The following LAMA1 variants were observed in gnomAD, a reference collection of about 807,000 sequenced individuals.
The protein encoded by LAMA1 is laminin subunit alpha 1.
LAMA1 carries 219 observed loss-of-function variants against 348.7 expected under a neutral mutation model. The ratio of observed to expected loss-of-function variants is 0.63; its 90% CI spans 0.56 to 0.70. LAMA1 has a LOEUF of 0.70. LAMA1 is among the 30% of genes least tolerant of loss of function. The probability of loss-of-function intolerance (pLI) is 0.00; values close to 1 mark genes in which losing one functional copy is unlikely to be tolerated. For synonymous variants in LAMA1, 1,487 were observed against 1,491.0 expected (o/e 1.00, Z 0.06); for missense variants, 3,744 against 3,888.0 (o/e 0.96, Z 0.99).
intron 1 of LAMA1, among the ~76,000 whole-genome samples, chr18:7,092,952 C>T (rs1294346590): frequency 6.6e-6 from 1 of 152,164 alleles, no homozygotes; most frequent in Non-Finnish European, 1.5e-5. Flanking sequence ...GGTGCAATCG[C>T]ATGGGGAAAA....
intron 19 of LAMA1, among the ~76,000 whole-genome samples, chr18:7,018,971 T>C (rs2057902953): frequency 6.6e-6 from 1 of 151,990 alleles, no homozygotes; most frequent in African/African-American, 2.4e-5. Context: ...AGAGGCCCCA[T>C]TCACCGGTGC....
rs1316144596 is a variant in LAMA1 at position 7,080,838 on chromosome 18, C to T, written c.62-381G>A. ...AGATCCGTGTATCTTAGTATGTGCACGTTCTACCTCAAAAATAAATAAATA... is the reference window on the plus strand; with the variant it reads ...AGATCCGTGTATCTTAGTATGTGCATGTTCTACCTCAAAAATAAATAAATA... On this transcript the variant is annotated intron_variant, in intron 1 of 62. Transcript: ENST00000389658. 2.0e-5 allele frequency among the ~76,000 whole-genome samples: 3 copies of T among 151,764 alleles called. No homozygotes were observed. The East Asian group carries it at 5.8e-4, about 29-fold the overall frequency.
chr18:6,941,870 G>C lies in LAMA1; in HGVS notation c.*209C>G. ...TTTTTTAAAAATACGTTTAAAAAGA[G>C]AGCCAGGGAATTCAATTTACATTTT... On this transcript the variant is annotated 3_prime_UTR_variant, in exon 63 of 63. Coordinates refer to ENST00000389658, the MANE Select transcript of LAMA1 (RefSeq NM_005559.4). The C allele has an allele frequency of 1.7e-6, 1 of 594,994 alleles. No individual in the cohort carries two copies. Among genetic ancestry groups the C allele is most frequent in the Non-Finnish European group, 3.0e-6 (1 of 337,154 alleles). The allele number at this position is 594,994 out of a possible 1,614,324, so 36.9% of individuals were successfully genotyped here. A position where few individuals can be genotyped will look rare whatever the true frequency, so the allele number is the denominator to read the frequency against.
At chr18:6,956,834 T>C in intron 55 of LAMA1, 69 bp from the exon 56 acceptor site, 1 of 1,519,472 alleles carries the variant, frequency 6.6e-7, no homozygotes, top group Non-Finnish European at 9.1e-7. Context: ...CCAAGTCATC[T>C]GATAACTGTA....
At chr18:6,945,927 G>A (rs1235975218) in intron 61 of LAMA1, among the ~76,000 whole-genome samples, 1 of 151,980 alleles carries the variant, frequency 6.6e-6, no homozygotes, top group Non-Finnish European at 1.5e-5. Flanking sequence ...TCCCTTCCCC[G>A]CATCCTGCCT....
chr18:6,949,151 A>G lies in LAMA1; in HGVS notation c.8506T>C (p.Phe2836Leu). 1 of 1,614,168 alleles carries G rather than the reference A, an allele frequency of 6.2e-7. No individual in the cohort carries two copies. The highest frequency in any genetic ancestry group is 8.5e-7 in the Non-Finnish European group (1 of 1,180,006). Residue 2836 changes from phenylalanine to leucine, a missense_variant, in exon 59 of 63, where the codon TTC becomes CTC. Phe to Leu is a conservative substitution (Grantham distance 22). This residue lies in a region of LAMA1 where 1,983 missense variants were observed against 1,934.3 expected (regional missense o/e 1.03). Coordinates refer to ENST00000389658, the MANE Select transcript of LAMA1 (RefSeq NM_005559.4). ...TGGGAGGGCAGGCCTCCTAGGTAGA[A>G]CAAACCCTCCACATCCAGCATGGTT... is the stretch of plus-strand genomic sequence containing the variant. ...DGTMLDVEGL[F>L]YLGGLPSQYQ...
Position 7,074,967 on chromosome 18 carries a change from C to CAAAAAAAAAAAAAAA in LAMA1, c.345+4993_345+5007dup, listed in dbSNP as rs773818069. Among the ~76,000 whole-genome samples the CAAAAAAAAAAAAAAA allele has an allele frequency of 3.4e-4, 18 of 52,268 alleles. 4 individuals are homozygous for CAAAAAAAAAAAAAAA. Among genetic ancestry groups the CAAAAAAAAAAAAAAA allele is most frequent in the South Asian group, 6.8e-4 (1 of 1,462 alleles). 34.3% of individuals were successfully genotyped at this position (52,268 alleles called of 152,430 possible). ...GATAACCAAACCTAATACATAGAGG[C>CAAAAAAAAAAAAAAA]AAAAAAAAAAAAAAAAAAAAAAAAA... is the stretch of plus-strand genomic sequence containing the variant. On this transcript the variant is annotated intron_variant, in intron 3 of 62. Coordinates refer to ENST00000389658, the MANE Select transcript of LAMA1 (RefSeq NM_005559.4).
chr18:6,987,079 C>T (rs556958090), intron 36 of LAMA1, among the ~76,000 whole-genome samples: 1 of 152,312 alleles, frequency 6.6e-6, no homozygotes, highest in Admixed American at 6.5e-5. Flanking sequence ...CTTCTTTTAT[C>T]AGCAGCTCTG....
At chr18:6,942,539 G>A (rs980669769) in intron 62 of LAMA1, among the ~76,000 whole-genome samples, 2 of 151,626 alleles carry the variant, frequency 1.3e-5, no homozygotes, top group Non-Finnish European at 2.9e-5. Context: ...TCAGCCTCCC[G>A]AGTAGCTGGG....
In LAMA1 at chr18:6,999,565, C is replaced by T. The variant is rs761200388; in HGVS notation, c.4543G>A (p.Gly1515Ser). The T allele has an allele frequency of 1.2e-5, 19 of 1,613,948 alleles. No homozygotes were observed. The highest frequency in any genetic ancestry group is 6.6e-5 in the South Asian group (6 of 91,050). The change falls in exon 32 of 63, where the codon GGC becomes AGC. Residue 1515 changes from glycine to serine, a missense_variant. Gly to Ser is a moderately conservative substitution (Grantham distance 56). Around this residue, in one of 3 missense-constraint regions of LAMA1, gnomAD observed 1,983 missense variants for 1,934.3 expected, o/e 1.03. Transcript: ENST00000389658. ...CGGTCACAGTCACCGTGGACAGAGC[C>T]GTGCGGGTTGCAGTCACACTTCTGG... ...SCQKCDCNPHGSVHGDCDRTS... is the reference protein window; with the variant it reads ...SCQKCDCNPHSSVHGDCDRTS...
intron 47 of LAMA1, chr18:6,972,252 C>T: frequency 4.8e-6 from 2 of 414,468 alleles, no homozygotes; most frequent in Non-Finnish European, 9.0e-6. Context: ...AGTGAGAAAA[C>T]AGAGAGCCAG....
chr18:7,022,823 TCC>T (rs1266726138), intron 19 of LAMA1, among the ~76,000 whole-genome samples: 5 of 152,154 alleles, frequency 3.3e-5, no homozygotes, highest in African/African-American at 1.2e-4. Context: ...CTGAAGCATC[TCC>T]CTTACGAATG....
At chr18:7,067,653 T>C (rs7234111) in intron 3 of LAMA1, among the ~76,000 whole-genome samples, 66,117 of 151,792 alleles carry the variant, frequency 0.44, 14,994 homozygotes, top group African/African-American at 0.55. Context: ...CACTCGAGAT[T>C]TGTGCATTTC....
At chr18:7,025,863 TG>T in intron 17 of LAMA1, 115 bp downstream of exon 17, 1 of 1,421,414 alleles carries the variant, frequency 7.0e-7, no homozygotes. Flanking sequence ...CAATTGTCAC[TG>T]GGCAAAATTC....
chr18:7,076,356 C>T (rs1254197499), intron 3 of LAMA1, among the ~76,000 whole-genome samples: 1 of 152,152 alleles, frequency 6.6e-6, no homozygotes, highest in Non-Finnish European at 1.5e-5. Context: ...GCCCTGGGTG[C>T]CTCCTGATGT....
intron 60 of LAMA1, among the ~76,000 whole-genome samples, 181 bp from the exon 61 acceptor site, chr18:6,947,477 T>A (rs1256388379): frequency 6.6e-6 from 1 of 152,076 alleles, no homozygotes; most frequent in Non-Finnish European, 1.5e-5. Context: ...GGAGATGACG[T>A]GGAGCTTTTA....
chr18:6,951,478 C>T (rs779762460), intron 57 of LAMA1, among the ~76,000 whole-genome samples: 2 of 152,162 alleles, frequency 1.3e-5, no homozygotes, highest in Admixed American at 6.5e-5. Context: ...AGAGGGACCA[C>T]GGTGTCACTG....
intron 51 of LAMA1, among the ~76,000 whole-genome samples, chr18:6,963,426 G>C (rs9947188): frequency 0.035 from 5,255 of 152,230 alleles, 270 homozygotes; most frequent in African/African-American, 0.11. Flanking sequence ...GACCAACTCC[G>C]CTGAGGTTTA....
intron 1 of LAMA1, among the ~76,000 whole-genome samples, chr18:7,095,714 A>G (rs111506815): frequency 1.3e-5 from 2 of 152,222 alleles, no homozygotes; most frequent in Non-Finnish European, 2.9e-5. Context: ...CAATTACTCA[A>G]ACTGGAGACA....
Sources: gnomAD v4.1 joint callset for allele counts (sites outside exome capture counted in the v4.1 genomes callset) on GRCh38, gnomAD v4.1.1 for gene constraint, gnomAD v4.1.1 regional missense constraint, MANE v1.5 for transcripts, NCBI Gene and HGNC (gene_info 2026-07-23, HGNC 2026-07-21) for gene names.